CAMK2N2: variants seen among roughly 807,000 people sequenced by gnomAD.
The protein encoded by CAMK2N2 is calcium/calmodulin dependent protein kinase II inhibitor 2, also known as calcium/calmodulin-dependent protein kinase II inhibitor 2.
In CAMK2N2, 3 loss-of-function variants were observed where a neutral mutation model predicts 7.8. The observed-to-expected ratio is 0.38, with a 90% CI of 0.18 to 0.99. CAMK2N2 has a LOEUF of 0.99. Among genes scored for constraint, CAMK2N2 ranks in the 50% least tolerant of loss-of-function variants. The probability of loss-of-function intolerance (pLI) is 0.37; values close to 1 mark genes in which losing one functional copy is unlikely to be tolerated. For missense variants in CAMK2N2, 85 were observed against 108.4 expected (o/e 0.78, Z 0.96); for synonymous variants, 45 against 46.6 (o/e 0.97, Z 0.14).
Position 184,259,522 on chromosome 3 carries a change from A to AC in CAMK2N2, c.*634dup, listed in dbSNP as rs1311425288. ...GGGCTTGTCTCATCCCAGCCTCAAC[A>AC]CCCATCCTATCTGCCAGGCGCAGAA... On this transcript the variant is annotated 3_prime_UTR_variant, in exon 2 of 2. Transcript: ENST00000296238. 1 of 152,558 alleles carries AC rather than the reference A, an allele frequency of 6.6e-6. No individual in the cohort carries two copies. The highest frequency in any genetic ancestry group is 1.5e-5 in the Non-Finnish European group (1 of 68,118). The allele number at this position is 152,558 out of a possible 1,614,324, so 9.5% of individuals were successfully genotyped here. A position where few individuals can be genotyped will look rare whatever the true frequency, so the allele number is the denominator to read the frequency against.
rs1292767946 is a variant in CAMK2N2 at position 184,260,319 on chromosome 3, G to A, written c.170-92C>T. 3.1e-6 allele frequency: 4 copies of A among 1,271,188 alleles called. No homozygotes were observed. The highest frequency in any genetic ancestry group is 4.4e-6 in the Non-Finnish European group (4 of 902,550). 78.7% of individuals were successfully genotyped at this position (1,271,188 alleles called of 1,614,324 possible). ...CGTCCTAGCTTCCCGCGCAGCTACT[G>A]CCCGTGGCCCAGCGACGCCCCTCGG... On this transcript the variant is annotated intron_variant, in intron 1 of 1. Coordinates refer to ENST00000296238, the MANE Select transcript of CAMK2N2 (RefSeq NM_033259.3). The surrounding 1 kb of genome is among the most constrained non-coding windows in gnomAD (Gnocchi z 6.6).
At position 184,260,431 on chromosome 3, in the gene CAMK2N2, C is replaced by T. The variant is rs1469916872; in HGVS notation, c.170-204G>A. Among the ~76,000 whole-genome samples, 2 of 152,178 alleles carry T rather than the reference C, an allele frequency of 1.3e-5. No homozygotes were observed. The highest frequency in any genetic ancestry group is 2.9e-5 in the Non-Finnish European group (2 of 68,022). On this transcript the variant is annotated intron_variant, in intron 1 of 1. Coordinates refer to ENST00000296238, the MANE Select transcript of CAMK2N2 (RefSeq NM_033259.3). This position sits in a 1 kb window ranked among gnomAD's most constrained non-coding sequence, Gnocchi z 6.6. Reference sequence around the variant, plus strand: ...CCTAGACCCCCTCCCCTCCCGATGGCGGAACGCCCCTCTTCCAAAGGCTCC... The same window carrying T: ...CCTAGACCCCCTCCCCTCCCGATGGTGGAACGCCCCTCTTCCAAAGGCTCC...
chr3:184,260,172 C>A lies in CAMK2N2; in HGVS notation c.225G>T (p.Pro75=), dbSNP rs1384603630. ...DDVLKGMGEK[P]PSGV ...GCCGGCGCGTCTACACTCCGGACGG[C>A]GGCTTCTCCCCCATCCCCTTCAGCA... Residue 75 remains proline, a synonymous_variant, in exon 2 of 2, where the codon CCG becomes CCT. Coordinates refer to ENST00000296238, the MANE Select transcript of CAMK2N2 (RefSeq NM_033259.3). The surrounding 1 kb of genome is among the most constrained non-coding windows in gnomAD (Gnocchi z 6.6). The A allele has an allele frequency of 1.2e-6, 2 of 1,602,170 alleles. No individual in the cohort carries two copies. The highest frequency in any genetic ancestry group is 1.7e-5 in the Admixed American group (1 of 59,460).
In CAMK2N2 at chr3:184,261,050, G is replaced by C. The variant is rs1030151978; in HGVS notation, c.169+67C>G. The C allele has an allele frequency of 3.8e-5, 55 of 1,457,994 alleles. No homozygotes were observed. Among genetic ancestry groups the C allele is most frequent in the Middle Eastern group, 4.9e-4 (2 of 4,064 alleles). The allele number at this position is 1,457,994 out of a possible 1,614,324, so 90.3% of individuals were successfully genotyped here. A position where few individuals can be genotyped will look rare whatever the true frequency, so the allele number is the denominator to read the frequency against. ...GAGCTGCGGGCACTCGGCGGGGAAC[G>C]GCAGCCGGGGGGCGCCCGGCGGAGG... On this transcript the variant is annotated intron_variant, in intron 1 of 1. Coordinates refer to ENST00000296238, the MANE Select transcript of CAMK2N2 (RefSeq NM_033259.3). This position sits in a 1 kb window ranked among gnomAD's most constrained non-coding sequence, Gnocchi z 5.1.
rs1196277591 is a variant in CAMK2N2 at position 184,260,613 on chromosome 3, C to G, written c.170-386G>C. On this transcript the variant is annotated intron_variant, in intron 1 of 1. Transcript: ENST00000296238. This position sits in a 1 kb window ranked among gnomAD's most constrained non-coding sequence, Gnocchi z 6.6. ...GCTCAAACCGAGTATCCAGCTGGTC[C>G]AGCCCTCTCCTCAACCTGAGCCCTC... is the stretch of plus-strand genomic sequence containing the variant. 2.0e-5 allele frequency among the ~76,000 whole-genome samples: 3 copies of G among 152,172 alleles called. No individual in the cohort carries two copies. The highest frequency in any genetic ancestry group is 2.9e-5 in the Non-Finnish European group (2 of 68,034).
At position 184,260,452 on chromosome 3, in the gene CAMK2N2, G is replaced by T. The variant is rs538544793; in HGVS notation, c.170-225C>A. Among the ~76,000 whole-genome samples the T allele has an allele frequency of 6.6e-6, 1 of 152,116 alleles. No homozygotes were observed. The highest frequency in any genetic ancestry group is 1.5e-5 in the Non-Finnish European group (1 of 68,012). Reference sequence around the variant, plus strand: ...ATGGCGGAACGCCCCTCTTCCAAAGGCTCCAGCTATTCTCCCTCCCAGTGC... The same window carrying T: ...ATGGCGGAACGCCCCTCTTCCAAAGTCTCCAGCTATTCTCCCTCCCAGTGC... On this transcript the variant is annotated intron_variant, in intron 1 of 1. Coordinates refer to ENST00000296238, the MANE Select transcript of CAMK2N2 (RefSeq NM_033259.3). This position sits in a 1 kb window ranked among gnomAD's most constrained non-coding sequence, Gnocchi z 6.6.
In CAMK2N2 at chr3:184,261,128, C is replaced by A. The variant is rs762658496; in HGVS notation, c.158G>T (p.Arg53Leu). Residue 53 changes from arginine (R) to leucine (L), a missense_variant, in exon 1 of 2, where the codon CGA becomes CTA. By Grantham distance (102) the Arg-to-Leu change is moderately radical (BLOSUM62 -2). Transcript: ENST00000296238. The surrounding 1 kb of genome is among the most constrained non-coding windows in gnomAD (Gnocchi z 5.1). ...CCCGGGCCGCGTACCTCGCTTGGCTCGGCCGATCTGGCCCAGCTTGGGGGG... is the reference window on the plus strand; with the variant it reads ...CCCGGGCCGCGTACCTCGCTTGGCTAGGCCGATCTGGCCCAGCTTGGGGGG... ...KRPPKLGQIG[R>L]AKRVVIEDDR... 1 of 1,603,012 alleles carries A rather than the reference C, an allele frequency of 6.2e-7. No individual in the cohort carries two copies. Among genetic ancestry groups the A allele is most frequent in the Non-Finnish European group, 8.5e-7 (1 of 1,176,286 alleles).
chr3:184,261,312 G>GGAGCGGGACTGCGGCGGGGCGC lies in CAMK2N2; in HGVS notation c.-49_-28dup, dbSNP rs1175974342. 2 of 1,458,466 alleles carry GGAGCGGGACTGCGGCGGGGCGC rather than the reference G, an allele frequency of 1.4e-6. No homozygotes were observed. Among genetic ancestry groups the GGAGCGGGACTGCGGCGGGGCGC allele is most frequent in the East Asian group, 5.7e-5 (2 of 34,812 alleles). The allele number at this position is 1,458,466 out of a possible 1,614,324, so 90.3% of individuals were successfully genotyped here. ...GCGGGCGCGGGGTGGGCGCGGGGCGGGAGCGGGACTGCGGCGGGGCGCGGG... is the reference window on the plus strand; with the variant it reads ...GCGGGCGCGGGGTGGGCGCGGGGCGGGAGCGGGACTGCGGCGGGGCGCGAGCGGGACTGCGGCGGGGCGCGGG... On this transcript the variant is annotated 5_prime_UTR_variant, in exon 1 of 2. Coordinates refer to ENST00000296238, the MANE Select transcript of CAMK2N2 (RefSeq NM_033259.3). The surrounding 1 kb of genome is among the most constrained non-coding windows in gnomAD (Gnocchi z 5.1).
chr3:184,261,349 C>T lies in CAMK2N2; in HGVS notation c.-64G>A. On this transcript the variant is annotated 5_prime_UTR_variant, in exon 1 of 2. Transcript: ENST00000296238. This position sits in a 1 kb window ranked among gnomAD's most constrained non-coding sequence, Gnocchi z 5.1. ...CGGCGGGGCGCGGGCGGCGGGCTTG[C>T]TGCCGGACCGGCCCTACCTCAGCAG... is the stretch of plus-strand genomic sequence containing the variant. The T allele has an allele frequency of 1.5e-6, 2 of 1,313,514 alleles. No homozygotes were observed. The highest frequency in any genetic ancestry group is 6.3e-5 in the East Asian group (2 of 31,778). 81.4% of individuals were successfully genotyped at this position (1,313,514 alleles called of 1,614,324 possible).
At position 184,260,231 on chromosome 3, in the gene CAMK2N2, C is replaced by A; in HGVS notation, c.170-4G>T. On this transcript the variant is annotated splice_polypyrimidine_tract_variant and splice_region_variant and intron_variant, in intron 1 of 1. Transcript: ENST00000296238. The surrounding 1 kb of genome is among the most constrained non-coding windows in gnomAD (Gnocchi z 6.6). ...ATCCGGTCATCCTCGATCACCACTG[C>A]GCAGGGAGAAAGCGCGTCAGCCGCG... The A allele has an allele frequency of 6.8e-6, 11 of 1,609,842 alleles. No homozygotes were observed. Among genetic ancestry groups the A allele is most frequent in the Non-Finnish European group, 9.3e-6 (11 of 1,178,086 alleles).
At position 184,260,483 on chromosome 3, in the gene CAMK2N2, C is replaced by T. The variant is rs2108453886; in HGVS notation, c.170-256G>A. Among the ~76,000 whole-genome samples the T allele has an allele frequency of 6.6e-6, 1 of 152,350 alleles. No individual in the cohort carries two copies. Among genetic ancestry groups the T allele is most frequent in the South Asian group, 2.1e-4 (1 of 4,832 alleles). On this transcript the variant is annotated intron_variant, in intron 1 of 1. Coordinates refer to ENST00000296238, the MANE Select transcript of CAMK2N2 (RefSeq NM_033259.3). This position sits in a 1 kb window ranked among gnomAD's most constrained non-coding sequence, Gnocchi z 6.6. Reference sequence around the variant, plus strand: ...GCTATTCTCCCTCCCAGTGCGAGCCCTCCTGCCACCTGAGCCTTCCTCCCT... The same window carrying T: ...GCTATTCTCCCTCCCAGTGCGAGCCTTCCTGCCACCTGAGCCTTCCTCCCT...
rs1719946408 is a variant in CAMK2N2 at position 184,259,396 on chromosome 3, G to A, written c.*761C>T. 1 of 152,826 alleles carries A rather than the reference G, an allele frequency of 6.5e-6. No individual in the cohort carries two copies. Among genetic ancestry groups the A allele is most frequent in the Admixed American group, 6.5e-5 (1 of 15,282 alleles). The allele number at this position is 152,826 out of a possible 1,614,324, so 9.5% of individuals were successfully genotyped here. ...GGGTCCAAGGTAAAATCGGATCTGG[G>A]CCCTTGGAAGGTGATGATACCTTGG... On this transcript the variant is annotated 3_prime_UTR_variant, in exon 2 of 2. Transcript: ENST00000296238.
chr3:184,260,044 C>T lies in CAMK2N2; in HGVS notation c.*113G>A. ...GCGGCGGCGGCACGGCCCTGCAGCC[C>T]CCGCCCGCGGGCGCCTGGGCCGGGG... On this transcript the variant is annotated 3_prime_UTR_variant, in exon 2 of 2. Transcript: ENST00000296238. The surrounding 1 kb of genome is among the most constrained non-coding windows in gnomAD (Gnocchi z 6.6). 1 of 428,730 alleles carries T rather than the reference C, an allele frequency of 2.3e-6. No individual in the cohort carries two copies. The highest frequency in any genetic ancestry group is 3.1e-6 in the Non-Finnish European group (1 of 324,256). The allele number at this position is 428,730 out of a possible 1,614,324, so 26.6% of individuals were successfully genotyped here. A position where few individuals can be genotyped will look rare whatever the true frequency, so the allele number is the denominator to read the frequency against.
At position 184,260,244 on chromosome 3, in the gene CAMK2N2, C is replaced by G; in HGVS notation, c.170-17G>C. The G allele has an allele frequency of 6.2e-7, 1 of 1,606,988 alleles. No homozygotes were observed. Among genetic ancestry groups the G allele is most frequent in the African/African-American group, 1.3e-5 (1 of 74,708 alleles). On this transcript the variant is annotated splice_polypyrimidine_tract_variant and intron_variant, in intron 1 of 1. Coordinates refer to ENST00000296238, the MANE Select transcript of CAMK2N2 (RefSeq NM_033259.3). The surrounding 1 kb of genome is among the most constrained non-coding windows in gnomAD (Gnocchi z 6.6). ...CGATCACCACTGCGCAGGGAGAAAG[C>G]GCGTCAGCCGCGCGGCCTCGGGGGG... is the stretch of plus-strand genomic sequence containing the variant.
At position 184,260,189 on chromosome 3, in the gene CAMK2N2, C is replaced by T. The variant is rs1367030865; in HGVS notation, c.208G>A (p.Gly70Arg). 6.2e-7 allele frequency: 1 copy of T among 1,610,344 alleles called. No homozygotes were observed. Among genetic ancestry groups the T allele is most frequent in the Admixed American group, 1.7e-5 (1 of 59,888 alleles). The change falls in exon 2 of 2, where the codon GGG (glycine) becomes AGG (arginine). Residue 70 changes from glycine (G) to arginine (R), a missense_variant. Physicochemically the swap from Gly to Arg is moderately radical, Grantham distance 125. Transcript: ENST00000296238. The surrounding 1 kb of genome is among the most constrained non-coding windows in gnomAD (Gnocchi z 6.6). ...CCGGACGGCGGCTTCTCCCCCATCC[C>T]CTTCAGCACGTCGTCTATCCGGTCA... ...EDDRIDDVLK[G>R]MGEKPPSGV is the part of the protein sequence containing the mutation.
Position 184,259,738 on chromosome 3 carries a change from G to A in CAMK2N2, c.*419C>T, listed in dbSNP as rs1394223142. ...TCAAGTGGGTGGAAAGCTCATGCAA[G>A]TACGCAGCCAAACATCCCTGGCCGC... On this transcript the variant is annotated 3_prime_UTR_variant, in exon 2 of 2. Transcript: ENST00000296238. 6.6e-6 allele frequency: 1 copy of A among 152,200 alleles called. No individual in the cohort carries two copies. The highest frequency in any genetic ancestry group is 1.5e-5 in the Non-Finnish European group (1 of 68,032). The allele number at this position is 152,200 out of a possible 1,614,324, so 9.4% of individuals were successfully genotyped here.
Position 184,261,098 on chromosome 3 carries a change from C to G in CAMK2N2, c.169+19G>C. Reference sequence around the variant, plus strand: ...AGGGTTTCTGGGTCAGGCGGCGACTCCGGGCCCGGGCCGCGTACCTCGCTT... The same window carrying G: ...AGGGTTTCTGGGTCAGGCGGCGACTGCGGGCCCGGGCCGCGTACCTCGCTT... On this transcript the variant is annotated intron_variant, in intron 1 of 1. Transcript: ENST00000296238. The surrounding 1 kb of genome is among the most constrained non-coding windows in gnomAD (Gnocchi z 5.1). 2 of 1,587,930 alleles carry G rather than the reference C, an allele frequency of 1.3e-6. No individual in the cohort carries two copies. Among genetic ancestry groups the G allele is most frequent in the Non-Finnish European group, 1.7e-6 (2 of 1,170,742 alleles).
In CAMK2N2 at chr3:184,261,342, G is replaced by T; in HGVS notation, c.-57C>A. The stretch of plus-strand genomic sequence containing the variant: ...GGGACTGCGGCGGGGCGCGGGCGGC[G>T]GGCTTGCTGCCGGACCGGCCCTACC... On this transcript the variant is annotated 5_prime_UTR_variant, in exon 1 of 2. Coordinates refer to ENST00000296238, the MANE Select transcript of CAMK2N2 (RefSeq NM_033259.3). This position sits in a 1 kb window ranked among gnomAD's most constrained non-coding sequence, Gnocchi z 5.1. The T allele has an allele frequency of 1.5e-6, 2 of 1,338,536 alleles. No individual in the cohort carries two copies. Among genetic ancestry groups the T allele is most frequent in the Non-Finnish European group, 1.9e-6 (2 of 1,046,526 alleles). The allele number at this position is 1,338,536 out of a possible 1,614,324, so 82.9% of individuals were successfully genotyped here. A position where few individuals can be genotyped will look rare whatever the true frequency, so the allele number is the denominator to read the frequency against.
chr3:184,261,057 G>C lies in CAMK2N2; in HGVS notation c.169+60C>G, dbSNP rs977448617. 3.1e-5 allele frequency: 46 copies of C among 1,469,594 alleles called. No individual in the cohort carries two copies. The highest frequency in any genetic ancestry group is 3.9e-5 in the Non-Finnish European group (43 of 1,113,264). The allele number at this position is 1,469,594 out of a possible 1,614,324, so 91.0% of individuals were successfully genotyped here. A position where few individuals can be genotyped will look rare whatever the true frequency, so the allele number is the denominator to read the frequency against. ...GGGCACTCGGCGGGGAACGGCAGCC[G>C]GGGGGCGCCCGGCGGAGGGTTTCTG... is the stretch of plus-strand genomic sequence containing the variant. On this transcript the variant is annotated intron_variant, in intron 1 of 1. Coordinates refer to ENST00000296238, the MANE Select transcript of CAMK2N2 (RefSeq NM_033259.3). The surrounding 1 kb of genome is among the most constrained non-coding windows in gnomAD (Gnocchi z 5.1).
Sources: gnomAD v4.1 joint callset for allele counts (sites outside exome capture counted in the v4.1 genomes callset) on GRCh38, gnomAD v4.1.1 for gene constraint, Gnocchi (gnomAD v3.1) non-coding constraint, MANE v1.5 for transcripts, NCBI Gene and HGNC (gene_info 2026-07-23, HGNC 2026-07-21) for gene names.